SH3GL2: variants seen among roughly 807,000 people sequenced by gnomAD.
The protein encoded by SH3GL2 is SH3 domain containing GRB2 like 2, endophilin A1, also known as endophilin-A1.
In SH3GL2, 24 loss-of-function variants were observed where a neutral mutation model predicts 46.0. The ratio of observed to expected loss-of-function variants is 0.52; its 90% CI spans 0.38 to 0.73. The LOEUF is 0.73. Ranked by LOEUF, SH3GL2 falls within the 30% of genes least tolerant of loss-of-function variation. The pLI, the probability that SH3GL2 is intolerant of heterozygous loss-of-function variation, is 0.00. For missense variants in SH3GL2, 413 were observed against 424.2 expected, an observed-to-expected ratio of 0.97 and a Z score of 0.23; for synonymous variants, 196 against 147.1, an observed-to-expected ratio of 1.33 and a Z score of -2.40.
rs1180529466 is a variant in SH3GL2 at position 17,596,258 on chromosome 9, T to C, written c.45+16971T>C. On this transcript the variant is annotated intron_variant, in intron 1 of 8. Transcript: ENST00000380607. ...GTTTCTTCTGAATGCATGGCTACTT[T>C]TCTGGTTTCACCAAGAAGATGTGTA... is the stretch of plus-strand genomic sequence containing the variant. Among the ~76,000 whole-genome samples, 3 of 152,354 alleles carry C rather than the reference T, an allele frequency of 2.0e-5. No individual in the cohort carries two copies. The East Asian group carries it at 5.8e-4, about 29-fold the overall frequency.
intron 1 of SH3GL2, among the ~76,000 whole-genome samples, chr9:17,644,088 C>G (rs1819749487): frequency 6.6e-6 from 1 of 152,106 alleles, no homozygotes; most frequent in African/African-American, 2.4e-5. Flanking sequence ...AGGAATTTAT[C>G]CATTTCTTCT....
intron 1 of SH3GL2, among the ~76,000 whole-genome samples, chr9:17,650,259 G>C (rs1026589451): frequency 1.3e-5 from 2 of 152,224 alleles, no homozygotes; most frequent in South Asian, 2.1e-4. Context: ...TGATATCCTT[G>C]TAACAGTTTG....
intron 1 of SH3GL2, among the ~76,000 whole-genome samples, chr9:17,639,625 C>G (rs1300177004): frequency 6.6e-6 from 1 of 152,220 alleles, no homozygotes; most frequent in African/African-American, 2.4e-5. Context: ...CATAAAATTG[C>G]CGTATAATTC....
At chr9:17,743,991 A>C (rs56036751) in intron 1 of SH3GL2, among the ~76,000 whole-genome samples, 2 of 152,178 alleles carry the variant, frequency 1.3e-5, no homozygotes, top group Non-Finnish European at 2.9e-5. Context: ...GGGTCTATCT[A>C]TAATGATTCT....
intron 1 of SH3GL2, among the ~76,000 whole-genome samples, chr9:17,633,234 C>T (rs2208496): frequency 0.46 from 69,796 of 151,968 alleles, 17,058 homozygotes; most frequent in Non-Finnish European, 0.57. Flanking sequence ...TAGAATGAGA[C>T]GCCATGATGA....
rs527774689 is a variant in SH3GL2 at position 17,793,719 on chromosome 9, T to C, written c.859+222T>C. Among the ~76,000 whole-genome samples the C allele has an allele frequency of 7.2e-5, 11 of 152,362 alleles. No individual in the cohort carries two copies. In the East Asian group the frequency reaches 1.9e-3, roughly 27 times the overall value. On this transcript the variant is annotated intron_variant, in intron 8 of 8. Transcript: ENST00000380607. The stretch of plus-strand genomic sequence containing the variant: ...CTTCTCATTCTTCTCTATAAAACTT[T>C]CTTTGTATATCCCATTTTCTCTGTC...
At chr9:17,708,621 C>G (rs1821537594) in intron 1 of SH3GL2, among the ~76,000 whole-genome samples, 1 of 151,944 alleles carries the variant, frequency 6.6e-6, no homozygotes, top group Non-Finnish European at 1.5e-5. Context: ...GGTCAGGTGT[C>G]TCTAGTGGCT....
At chr9:17,770,343 C>A (rs562430773) in intron 3 of SH3GL2, among the ~76,000 whole-genome samples, 1 of 152,284 alleles carries the variant, frequency 6.6e-6, no homozygotes, top group South Asian at 2.1e-4. Flanking sequence ...CAGCCAGAAT[C>A]TTTATTCAGA....
intron 3 of SH3GL2, among the ~76,000 whole-genome samples, chr9:17,784,892 TCTGTAG>T (rs1395783319): frequency 6.6e-6 from 1 of 152,134 alleles, no homozygotes; most frequent in East Asian, 1.9e-4. Flanking sequence ...TTTAAATTTT[TCTGTAG>T]AAATGGGGTC....
chr9:17,737,696 C>T (rs1017610002), intron 1 of SH3GL2, among the ~76,000 whole-genome samples: 9 of 151,974 alleles, frequency 5.9e-5, no homozygotes, highest in African/African-American at 1.2e-4. Flanking sequence ...TGGTTTTGGT[C>T]GTTTTCGTTG....
chr9:17,629,431 T>C (rs1819368888), intron 1 of SH3GL2, among the ~76,000 whole-genome samples: 1 of 152,306 alleles, frequency 6.6e-6, no homozygotes, highest in East Asian at 1.9e-4. Context: ...AATGGTGCTA[T>C]TAAGGTGATG....
chr9:17,767,140 A>AC (rs1387800258), intron 3 of SH3GL2, among the ~76,000 whole-genome samples: 2 of 152,186 alleles, frequency 1.3e-5, no homozygotes, highest in East Asian at 3.9e-4. Context: ...GAATGTGAAA[A>AC]ATGTTGTACA....
In SH3GL2 at chr9:17,797,103, A is replaced by G. The variant is rs544296969; in HGVS notation, c.*1360A>G. The G allele has an allele frequency of 2.0e-5, 3 of 152,778 alleles. No individual in the cohort carries two copies. The highest frequency in any genetic ancestry group is 7.2e-5 in the African/African-American group (3 of 41,586). The allele number at this position is 152,778 out of a possible 1,614,324, so 9.5% of individuals were successfully genotyped here. A position where few individuals can be genotyped will look rare whatever the true frequency, so the allele number is the denominator to read the frequency against. On this transcript the variant is annotated 3_prime_UTR_variant, in exon 9 of 9. Coordinates refer to ENST00000380607, the MANE Select transcript of SH3GL2 (RefSeq NM_003026.5). ...ACCACAGGAAGCATCGCTGTTTCCA[A>G]TAAATATTGCTGAAGACAGAACCAA...
At chr9:17,593,097 C>T (rs939839434) in intron 1 of SH3GL2, among the ~76,000 whole-genome samples, 1 of 152,200 alleles carries the variant, frequency 6.6e-6, no homozygotes, top group Admixed American at 6.5e-5. Context: ...TCTCCCATAC[C>T]TCGACCTATG....
chr9:17,701,844 T>A (rs116665565), intron 1 of SH3GL2, among the ~76,000 whole-genome samples: 13,221 of 152,166 alleles, frequency 0.087, 739 homozygotes, highest in Admixed American at 0.18. Flanking sequence ...CTTTTTATGA[T>A]TGAAAAGACT....
intron 1 of SH3GL2, among the ~76,000 whole-genome samples, chr9:17,737,111 A>G (rs189804130): frequency 6.6e-6 from 1 of 152,094 alleles, no homozygotes; most frequent in African/African-American, 2.4e-5. Flanking sequence ...AACAGAAAAC[A>G]AAACACCACA....
intron 1 of SH3GL2, among the ~76,000 whole-genome samples, chr9:17,746,366 GCGCC>G (rs1822687694): frequency 6.6e-6 from 1 of 152,194 alleles, no homozygotes; most frequent in Non-Finnish European, 1.5e-5. Context: ...GTGAGTCACT[GCGCC>G]CGGCCCTAAT....
At chr9:17,795,469 C>G in intron 8 of SH3GL2, 75 bp from the exon 9 acceptor site, 1 of 1,179,736 alleles carries the variant, frequency 8.5e-7, no homozygotes, top group Non-Finnish European at 1.2e-6. Context: ...GTGGGTACAG[C>G]AGGCAGCAGA....
intron 1 of SH3GL2, among the ~76,000 whole-genome samples, chr9:17,603,967 C>T (rs1485811757): frequency 2.0e-5 from 3 of 152,126 alleles, no homozygotes; most frequent in Non-Finnish European, 4.4e-5. Context: ...ATATATTTTA[C>T]TACAAATAAA....
Sources: gnomAD v4.1 joint callset for allele counts (sites outside exome capture counted in the v4.1 genomes callset) on GRCh38, gnomAD v4.1.1 for gene constraint, MANE v1.5 for transcripts, NCBI Gene and HGNC (gene_info 2026-07-23, HGNC 2026-07-21) for gene names.